Variants in SAMMSON observed in about 807,000 individuals in gnomAD.
The protein encoded by SAMMSON is long intergenic non-protein coding RNA 1212.
At chr3:70,024,492 A>G (rs6769936) in intron 3 of SAMMSON, among the ~76,000 whole-genome samples, 7,024 of 152,260 alleles carry the variant, frequency 0.046, 366 homozygotes, top group African/African-American at 0.12. Context: ...AGGATTTGAG[A>G]AAACAAGCTG....
intron 6 of SAMMSON, among the ~76,000 whole-genome samples, chr3:70,255,003 G>A (rs1235826732): frequency 6.6e-6 from 1 of 152,082 alleles, no homozygotes; most frequent in Admixed American, 6.6e-5. Flanking sequence ...CATTTAGATT[G>A]TTCCTTATAA....
intron 7 of SAMMSON, among the ~76,000 whole-genome samples, chr3:70,303,617 C>A (rs148485638): frequency 2.2e-4 from 33 of 152,198 alleles, no homozygotes; most frequent in Non-Finnish European, 4.1e-4. Context: ...TCTCAAAAAC[C>A]GATAAAGCTC....
chr3:70,045,113 A>ATATATATTAATTATAATATATTATAATT (rs2067121008), intron 3 of SAMMSON, among the ~76,000 whole-genome samples: 1 of 87,236 alleles, frequency 1.1e-5, no homozygotes, highest in African/African-American at 3.2e-5. Flanking sequence ...ATTATAATTT[A>ATATATATTAATTATAATATATTATAATT]TATATATTAA....
chr3:70,081,306 G>T (rs989659107), intron 4 of SAMMSON, among the ~76,000 whole-genome samples: 4 of 152,072 alleles, frequency 2.6e-5, no homozygotes, highest in South Asian at 4.1e-4. Flanking sequence ...GTAGAGACAG[G>T]GTTTCACCAT....
intron 2 of SAMMSON, among the ~76,000 whole-genome samples, chr3:70,422,217 G>A (rs9842991): frequency 0.24 from 36,596 of 151,738 alleles, 4,990 homozygotes; most frequent in Non-Finnish European, 0.32. Context: ...GAAAAAAATT[G>A]TTATTCTTAG....
intron 4 of SAMMSON, among the ~76,000 whole-genome samples, chr3:70,111,056 A>G (rs2067386010): frequency 6.6e-6 from 1 of 152,186 alleles, no homozygotes; most frequent in African/African-American, 2.4e-5. Flanking sequence ...TTATCAATAA[A>G]GGCATGTCTC....
At chr3:70,248,569 A>G (rs776045027) in intron 4 of SAMMSON, among the ~76,000 whole-genome samples, 5 of 152,110 alleles carry the variant, frequency 3.3e-5, no homozygotes, top group Admixed American at 6.6e-5. Context: ...TCAAATTTAG[A>G]AAGAGAATGT....
At chr3:70,122,306 C>T (rs1454199747) in intron 4 of SAMMSON, among the ~76,000 whole-genome samples, 2 of 152,106 alleles carry the variant, frequency 1.3e-5, no homozygotes, top group African/African-American at 4.8e-5. Flanking sequence ...AATCCTCCTA[C>T]CTCAGCCTCT....
chr3:70,189,536 A>G (rs1227560816), intron 4 of SAMMSON, among the ~76,000 whole-genome samples: 1 of 152,144 alleles, frequency 6.6e-6, no homozygotes, highest in Non-Finnish European at 1.5e-5. Flanking sequence ...TGGGTTTTGC[A>G]CTTCGCCCAA....
intron 4 of SAMMSON, among the ~76,000 whole-genome samples, chr3:70,090,995 C>T (rs539680133): frequency 3.9e-5 from 6 of 152,252 alleles, no homozygotes; most frequent in Admixed American, 1.3e-4. Context: ...TTAGGCTTGA[C>T]ATGTAAGTGG....
At chr3:70,299,980 A>G (rs961748024) in intron 7 of SAMMSON, among the ~76,000 whole-genome samples, 1 of 152,112 alleles carries the variant, frequency 6.6e-6, no homozygotes, top group South Asian at 2.1e-4. Context: ...AACATACCCC[A>G]GACTTTTCTG....
At position 70,366,281 on chromosome 3, in the gene SAMMSON, C is replaced by T. The variant is rs1407119331; in HGVS notation, n.913+7957C>T. ...CTGGGATTACAGGCGTGAGCCACTG[C>T]GCCCGGCCTGTGCTTTACCTTTTCA... On this transcript the variant is annotated intron_variant and non_coding_transcript_variant, in intron 9 of 9. Transcript: ENST00000642114. 8.1e-5 allele frequency among the ~76,000 whole-genome samples: 2 copies of T among 24,562 alleles called. 1 individual carries two copies. Among genetic ancestry groups the T allele is most frequent in the African/African-American group, 2.8e-4 (2 of 7,044 alleles). The allele number at this position is 24,562 out of a possible 152,430, so 16.1% of individuals were successfully genotyped here.
chr3:70,333,668 G>A (rs1702641483), intron 7 of SAMMSON, among the ~76,000 whole-genome samples: 3 of 152,100 alleles, frequency 2.0e-5, no homozygotes, highest in Admixed American at 2.0e-4. Flanking sequence ...CTTCTAATTA[G>A]TCTGCAAATT....
At chr3:70,331,029 T>A (rs951493160) in intron 7 of SAMMSON, among the ~76,000 whole-genome samples, 12 of 152,192 alleles carry the variant, frequency 7.9e-5, no homozygotes, top group South Asian at 2.1e-4. Flanking sequence ...ACAATATGCA[T>A]AAAAACCCTG....
chr3:70,257,308 G>A (rs1246552539), intron 6 of SAMMSON, among the ~76,000 whole-genome samples: 24 of 152,180 alleles, frequency 1.6e-4, no homozygotes, highest in Non-Finnish European at 2.9e-5. Flanking sequence ...TGGTAATGGA[G>A]ATATTGGGGA....
rs1215359174 is a variant in SAMMSON at position 70,281,181 on chromosome 3, A to G, written n.675-9998A>G. 2.0e-5 allele frequency among the ~76,000 whole-genome samples: 3 copies of G among 152,126 alleles called. No homozygotes were observed. The East Asian group carries it at 5.8e-4, about 29-fold the overall frequency. On this transcript the variant is annotated intron_variant and non_coding_transcript_variant, in intron 6 of 9. Coordinates refer to ENST00000642114, the Ensembl canonical transcript of SAMMSON. ...CTCTTGGCCCCTACAATTTTAGTGT[A>G]GTTGTCAGGATGCCAGAAGGATCAT... is the stretch of plus-strand genomic sequence containing the variant.
chr3:70,014,960 AAG>A (rs2066975833), intron 3 of SAMMSON: 1 of 152,198 alleles, frequency 6.6e-6, no homozygotes, highest in Non-Finnish European at 1.5e-5. Context: ...AACATAAGTT[AAG>A]ACAAAAAGAG....
At chr3:70,197,640 C>T (rs560566947) in intron 4 of SAMMSON, among the ~76,000 whole-genome samples, 4 of 152,276 alleles carry the variant, frequency 2.6e-5, no homozygotes, top group Non-Finnish European at 4.4e-5. Context: ...TGTTATTTTT[C>T]GACATGGATT....
In SAMMSON at chr3:70,050,845, A is replaced by C. The variant is rs141360746; in HGVS notation, n.418-20631A>C. Among the ~76,000 whole-genome samples the C allele has an allele frequency of 2.8e-4, 43 of 152,094 alleles. No individual in the cohort carries two copies. In the East Asian group the frequency reaches 3.7e-3, roughly 13 times the overall value. ...CAGTGGGTGCTGTTTTCAAGAATAG[A>C]GGCAGACTGGCTGGGTGCAATGGCT... is the stretch of plus-strand genomic sequence containing the variant. On this transcript the variant is annotated intron_variant and non_coding_transcript_variant, in intron 3 of 9. Transcript: ENST00000642114.
Sources: gnomAD v4.1 joint callset for allele counts (sites outside exome capture counted in the v4.1 genomes callset) on GRCh38, gnomAD v4.1.1 for gene constraint, MANE v1.5 for transcripts, NCBI Gene and HGNC (gene_info 2026-07-23, HGNC 2026-07-21) for gene names.